AAAS: variants seen among roughly 807,000 people sequenced by gnomAD.
AAAS encodes the protein aladin.
In AAAS, 60 loss-of-function variants were observed where a neutral mutation model predicts 75.6. The ratio of observed to expected loss-of-function variants is 0.79; its 90% CI spans 0.64 to 0.98. The LOEUF (loss-of-function observed/expected upper bound fraction) is 0.98. Ranked by LOEUF, AAAS falls within the 50% of genes least tolerant of loss-of-function variation. The probability of loss-of-function intolerance (pLI) is 0.00; values close to 1 mark genes in which losing one functional copy is unlikely to be tolerated. For synonymous variants in AAAS, 271 were observed against 265.0 expected, an observed-to-expected ratio of 1.02 and a Z score of -0.22; for missense variants, 658 against 686.9, an observed-to-expected ratio of 0.96 and a Z score of 0.47.
chr12:53,320,928 A>G, intron 1 of AAAS: 1 of 574,808 alleles, frequency 1.7e-6, no homozygotes, highest in South Asian at 2.0e-5. Context: ...ACATTTTTAG[A>G]AAACACCTGA....
rs2121083657 is a variant in AAAS, at chr12:53,308,336, C to G, written c.1195G>C (p.Ala399Pro). 1.9e-6 allele frequency: 3 copies of G among 1,614,150 alleles called. No homozygotes were observed. The highest frequency in any genetic ancestry group is 2.2e-5 in the South Asian group (2 of 91,078). Residue 399 changes from alanine to proline, a missense_variant, in exon 13 of 16, where the codon GCT becomes CCT. By Grantham distance (27) the Ala-to-Pro change is conservative. Coordinates refer to ENST00000209873, the MANE Select transcript of AAAS (RefSeq NM_015665.6). ...CTGGGGTCCCAGACCATGGAGTGAG[C>G]CTCTCCCCCAAGCCTGTGGGTAAGG... The part of the protein sequence containing the change: ...PDGEERLGGE[A>P]HSMVWDPSGE...
Position 53,320,557 on chromosome 12 carries a change from T to A in AAAS, c.251+8A>T. 2.5e-6 allele frequency: 4 copies of A among 1,613,702 alleles called. No homozygotes were observed. The South Asian group carries it at 4.4e-5, about 18-fold the overall frequency. Reference sequence around the variant, plus strand: ...CTGTGACCCAGGAAACCCTTTGCCATGCCTCACCAAATGTTGATGCATCTC... The same window carrying A: ...CTGTGACCCAGGAAACCCTTTGCCAAGCCTCACCAAATGTTGATGCATCTC... On this transcript the variant is annotated splice_region_variant and intron_variant, in intron 2 of 15. Coordinates refer to ENST00000209873, the MANE Select transcript of AAAS (RefSeq NM_015665.6).
In AAAS at chr12:53,321,563, G is replaced by C; in HGVS notation, c.-98C>G. ...CGGTTCCCGGGCTAGATTCGTATGC[G>C]GACGGGTACCGCAAGGGACAAACGG... On this transcript the variant is annotated 5_prime_UTR_variant, in exon 1 of 16. Coordinates refer to ENST00000209873, the MANE Select transcript of AAAS (RefSeq NM_015665.6). The C allele has an allele frequency of 6.3e-7, 1 of 1,596,460 alleles. No individual in the cohort carries two copies. Among genetic ancestry groups the C allele is most frequent in the Non-Finnish European group, 8.5e-7 (1 of 1,173,316 alleles).
At chr12:53,309,352 A>G in intron 8 of AAAS, 71 bp from the exon 9 acceptor site, 2 of 1,603,390 alleles carry the variant, frequency 1.2e-6, no homozygotes, top group Non-Finnish European at 1.7e-6. Flanking sequence ...TGGCCTCTCT[A>G]ATGTACAAAG....
At chr12:53,312,443 T>C (rs1288799997) in intron 7 of AAAS, among the ~76,000 whole-genome samples, 1 of 150,250 alleles carries the variant, frequency 6.7e-6, no homozygotes, top group Non-Finnish European at 1.5e-5. Flanking sequence ...TGCGTGCCTG[T>C]AGTCCCAGCT....
intron 14 of AAAS, 38 bp from the exon 15 acceptor site, chr12:53,307,967 G>A (rs1592511391): frequency 8.1e-6 from 13 of 1,613,314 alleles, no homozygotes; most frequent in African/African-American, 4.0e-5. Context: ...GAGGCAAGAA[G>A]GGAGCTGAAT....
In AAAS at chr12:53,307,931, T is replaced by C; in HGVS notation, c.1332-2A>G. Reference sequence around the variant, plus strand: ...CCTGGCTCCCCCTGGATAATGCCACTAGAAGAAAAGGTGAGCAGGCAACCG... The same window carrying C: ...CCTGGCTCCCCCTGGATAATGCCACCAGAAGAAAAGGTGAGCAGGCAACCG... On this transcript the variant is annotated splice_acceptor_variant, in intron 14 of 15. Transcript: ENST00000209873. LOFTEE classifies it high-confidence loss of function. 1 of 1,614,110 alleles carries C rather than the reference T, an allele frequency of 6.2e-7. No homozygotes were observed. Among genetic ancestry groups the C allele is most frequent in the East Asian group, 2.2e-5 (1 of 44,888 alleles).
intron 8 of AAAS, 94 bp from the exon 9 acceptor site, chr12:53,309,375 G>A: frequency 6.3e-7 from 1 of 1,576,224 alleles, no homozygotes; most frequent in South Asian, 1.1e-5. Context: ...CCAGAAACGA[G>A]AGGAAGCGGG....
chr12:53,314,377 G>C lies in AAAS; in HGVS notation c.610C>G (p.Leu204Val), dbSNP rs772913826. Residue 204 changes from leucine to valine, a missense_variant, in exon 7 of 16, where the codon CTT becomes GTT. Leu to Val is a conservative substitution (Grantham distance 32). Coordinates refer to ENST00000209873, the MANE Select transcript of AAAS (RefSeq NM_015665.6). ...RNVASLAWKP[L>V]SASVLAVACQ... ...GCCACAGCCAAGACAGAGGCACTAA[G>C]GGGCTTCCAGGCCAGAGACGCCACA... is the stretch of plus-strand genomic sequence containing the variant. 4.3e-6 allele frequency: 7 copies of C among 1,614,194 alleles called. No homozygotes were observed. The Admixed American group carries it at 1.0e-4, about 23-fold the overall frequency.
Position 53,314,372 on chromosome 12 carries a change from A to T in AAAS, c.615T>A (p.Ser205Arg), listed in dbSNP as rs533184867. The change falls in exon 7 of 16, where the codon AGT (serine) becomes AGA (arginine). Residue 205 changes from serine to arginine, a missense_variant. By Grantham distance (110) the Ser-to-Arg change is moderately radical (BLOSUM62 -1). Transcript: ENST00000209873. Reference sequence around the variant, plus strand: ...GGCAGGCCACAGCCAAGACAGAGGCACTAAGGGGCTTCCAGGCCAGAGACG... The same window carrying T: ...GGCAGGCCACAGCCAAGACAGAGGCTCTAAGGGGCTTCCAGGCCAGAGACG... ...NVASLAWKPL[S>R]ASVLAVACQS... The T allele has an allele frequency of 6.2e-7, 1 of 1,614,204 alleles. No individual in the cohort carries two copies. Among genetic ancestry groups the T allele is most frequent in the Non-Finnish European group, 8.5e-7 (1 of 1,180,026 alleles).
In AAAS at chr12:53,320,626, C is replaced by T. The variant is rs761619036; in HGVS notation, c.190G>A (p.Gly64Ser). ...TGATGGATGAAGGCAGTTCTTGTGCCATGGTCCAGCCTTCCAGGGGTCTTT... is the reference window on the plus strand; with the variant it reads ...TGATGGATGAAGGCAGTTCTTGTGCTATGGTCCAGCCTTCCAGGGGTCTTT... ...PLKTPGRLDH[G>S]TRTAFIHHRE... The change falls in exon 2 of 16, where the codon GGC becomes AGC. Residue 64 changes from glycine (G) to serine (S), a missense_variant. By Grantham distance (56) the Gly-to-Ser change is moderately conservative. Coordinates refer to ENST00000209873, the MANE Select transcript of AAAS (RefSeq NM_015665.6). The T allele has an allele frequency of 3.1e-6, 5 of 1,614,048 alleles. No individual in the cohort carries two copies. In the Admixed American group the frequency reaches 6.7e-5, roughly 22 times the overall value.
Position 53,308,950 on chromosome 12 carries a change from C to T in AAAS, c.996+10G>A, listed in dbSNP as rs1944341446. ...CTCCCCAGTGTCTGTGAATCAGAGT[C>T]CCCTCTTACCTGACAGCGCCCTGAT... On this transcript the variant is annotated intron_variant, in intron 10 of 15. Transcript: ENST00000209873. 1.9e-6 allele frequency: 3 copies of T among 1,614,092 alleles called. No homozygotes were observed. In the African/African-American group the frequency reaches 4.0e-5, roughly 22 times the overall value.
chr12:53,312,814 T>C (rs1944409862), intron 7 of AAAS, among the ~76,000 whole-genome samples: 1 of 148,748 alleles, frequency 6.7e-6, no homozygotes, highest in East Asian at 1.9e-4. Context: ...TATATATATG[T>C]GTATATATAT....
In AAAS at chr12:53,309,281, C is replaced by T; in HGVS notation, c.811G>A (p.Val271Ile). The T allele has an allele frequency of 6.2e-7, 1 of 1,613,828 alleles. No homozygotes were observed. The highest frequency in any genetic ancestry group is 8.5e-7 in the Non-Finnish European group (1 of 1,179,996). The change falls in exon 9 of 16, where the codon GTA (valine) becomes ATA (isoleucine). Residue 271 changes from valine (V) to isoleucine (I), a missense_variant and splice_region_variant. Physicochemically the swap from Val to Ile is conservative, Grantham distance 29. Coordinates refer to ENST00000209873, the MANE Select transcript of AAAS (RefSeq NM_015665.6). The part of the protein sequence containing the change: ...SASPVDAAIR[V>I]WDVSTETCVP... The stretch of plus-strand genomic sequence containing the variant: ...CAGGTCTCTGTTGAGACATCCCATA[C>T]CTAGGAGAGTGGGGCAGGAGATAAG...
At position 53,315,211 on chromosome 12, in the gene AAAS, G is replaced by T. The variant is rs771777869; in HGVS notation, c.400-71C>A. The T allele has an allele frequency of 6.9e-6, 11 of 1,600,828 alleles. No homozygotes were observed. The African/African-American group carries it at 1.5e-4, about 21-fold the overall frequency. On this transcript the variant is annotated intron_variant, in intron 4 of 15. Transcript: ENST00000209873. ...CCATCTCCTCAATATTCCAACAGGG[G>T]AGCTGGACCACTCCTACCCTCTGAA...
At position 53,314,809 on chromosome 12, in the gene AAAS, T is replaced by C; in HGVS notation, c.487A>G (p.Thr163Ala). The C allele has an allele frequency of 6.2e-7, 1 of 1,613,944 alleles. No homozygotes were observed. Among genetic ancestry groups the C allele is most frequent in the Non-Finnish European group, 8.5e-7 (1 of 1,180,006 alleles). Residue 163 changes from threonine to alanine, a missense_variant, in exon 6 of 16, where the codon ACC (threonine) becomes GCC (alanine). Transcript: ENST00000209873. ...AGCAGGGCCACTGCAAACTTGTTGGTGTGGGGGTGCCATGCAAAGACACGC... is the reference window on the plus strand; with the variant it reads ...AGCAGGGCCACTGCAAACTTGTTGGCGTGGGGGTGCCATGCAAAGACACGC... ...CLRVFAWHPHTNKFAVALLDD... is the reference protein window; with the variant it reads ...CLRVFAWHPHANKFAVALLDD...
chr12:53,314,634 A>T (rs1435255862), intron 6 of AAAS, 117 bp downstream of exon 6: 1 of 1,335,902 alleles, frequency 7.5e-7, no homozygotes, highest in African/African-American at 1.4e-5. Flanking sequence ...CCCTGACCCC[A>T]GTTCTGGAAG....
At chr12:53,315,587 G>A (rs1176210877) in intron 3 of AAAS, 140 bp downstream of exon 3, 1 of 1,248,334 alleles carries the variant, frequency 8.0e-7, no homozygotes, top group African/African-American at 1.5e-5. Flanking sequence ...CACCCACTCT[G>A]GGTTATTTGG....
At chr12:53,319,201 CTTTTTT>C (rs113552254) in intron 2 of AAAS, among the ~76,000 whole-genome samples, 1 of 145,646 alleles carries the variant, frequency 6.9e-6, no homozygotes, top group Admixed American at 6.9e-5. Context: ...TTAAGTAACC[CTTTTTT>C]TTTTTTTGAG....
Sources: allele counts gnomAD v4.1 joint callset (sites outside exome capture counted in the v4.1 genomes callset), GRCh38; gene constraint gnomAD v4.1.1; transcripts MANE v1.5; gene names NCBI Gene and HGNC (gene_info 2026-07-23, HGNC 2026-07-21).